The following TAOK3 variants were observed in gnomAD, a reference collection of about 807,000 sequenced individuals.
TAOK3 encodes the protein serine/threonine-protein kinase TAO3.
A neutral mutation model predicts 120.4 loss-of-function variants in TAOK3; 40 were observed. That is an observed-to-expected ratio of 0.33 (90% confidence interval 0.26 to 0.43). The LOEUF is 0.43. Among genes scored for constraint, TAOK3 ranks in the 20% least tolerant of loss-of-function variants. The pLI is 1.00. For synonymous variants in TAOK3, 355 were observed against 387.5 expected (o/e 0.92, Z 0.99); for missense variants, 821 against 1,112.1 (o/e 0.74, Z 3.72).
At chr12:118,318,196 T>C (rs1250997791) in intron 1 of TAOK3, among the ~76,000 whole-genome samples, 1 of 151,056 alleles carries the variant, frequency 6.6e-6, no homozygotes, top group Non-Finnish European at 1.5e-5. Flanking sequence ...TCTTGCTCTG[T>C]CACCAGGCTG....
Position 118,233,680 on chromosome 12 carries a change from C to G in TAOK3, c.637G>C (p.Glu213Gln). The change falls in exon 9 of 21, where the codon GAA becomes CAA. Residue 213 changes from glutamate to glutamine, a missense_variant. Coordinates refer to ENST00000392533, the MANE Select transcript of TAOK3 (RefSeq NM_016281.4). ...DIWSLGITCI[E>Q]LAERKPPLFN... is the part of the protein sequence containing the mutation. ...CAAATAACTCTTTACTCACCCAATT[C>G]AATACAAGTGATGCCAAGTGACCAA... The G allele has an allele frequency of 6.2e-7, 1 of 1,605,530 alleles. No individual in the cohort carries two copies. Among genetic ancestry groups the G allele is most frequent in the Non-Finnish European group, 8.5e-7 (1 of 1,173,952 alleles).
chr12:118,163,179 C>T (rs1435442909), intron 17 of TAOK3, among the ~76,000 whole-genome samples: 1 of 152,164 alleles, frequency 6.6e-6, no homozygotes, highest in Admixed American at 6.5e-5. Flanking sequence ...TAGTCATCTG[C>T]TGCTATGAGG....
intron 13 of TAOK3, among the ~76,000 whole-genome samples, chr12:118,193,918 T>TA (rs1299504463): frequency 3.9e-5 from 6 of 152,234 alleles, no homozygotes; most frequent in Non-Finnish European, 8.8e-5. Flanking sequence ...TGAAAAATCT[T>TA]AGTCTCCCTA....
At chr12:118,152,613 T>A (rs2034530898) in intron 19 of TAOK3, 2 of 533,560 alleles carry the variant, frequency 3.7e-6, no homozygotes, top group Admixed American at 6.3e-5. Flanking sequence ...CCAAACACAT[T>A]CTTTTCAGTA....
At chr12:118,159,312 CT>C (rs35332392) in intron 19 of TAOK3, among the ~76,000 whole-genome samples, 73,365 of 131,896 alleles carry the variant, frequency 0.56, 19,322 homozygotes, top group Non-Finnish European at 0.61. Context: ...AAATCACTCA[CT>C]TTTTTTTTTT....
intron 5 of TAOK3, among the ~76,000 whole-genome samples, chr12:118,241,051 A>G (rs1182320418): frequency 1.3e-5 from 2 of 149,510 alleles, no homozygotes; most frequent in East Asian, 3.9e-4. Context: ...ATGCAATTAA[A>G]TTAGATATAA....
At chr12:118,191,148 T>C (rs1379259001) in intron 13 of TAOK3, among the ~76,000 whole-genome samples, 1 of 152,192 alleles carries the variant, frequency 6.6e-6, no homozygotes, top group Non-Finnish European at 1.5e-5. Flanking sequence ...AATTTTATTA[T>C]AGTCCAAAAT....
intron 14 of TAOK3, among the ~76,000 whole-genome samples, chr12:118,182,342 T>C (rs1349547897): frequency 2.0e-5 from 3 of 152,010 alleles, no homozygotes; most frequent in Admixed American, 6.5e-5. Context: ...AGCCATGTTA[T>C]TTCTACTGCA....
chr12:118,213,455 C>T (rs887065387), intron 10 of TAOK3, among the ~76,000 whole-genome samples: 1 of 152,100 alleles, frequency 6.6e-6, no homozygotes, highest in African/African-American at 2.4e-5. Flanking sequence ...AAAATTCTTC[C>T]TATCTTAAAA....
Position 118,161,390 on chromosome 12 carries a change from C to A in TAOK3, c.2139+398G>T, listed in dbSNP as rs1270535734. ...CACTAATAAATGACACTCTTTCCTC[C>A]TAAGCTTGGATGTGGCTTTAGAGTC... On this transcript the variant is annotated intron_variant, in intron 18 of 20. Coordinates refer to ENST00000392533, the MANE Select transcript of TAOK3 (RefSeq NM_016281.4). This position sits in a 1 kb window ranked among gnomAD's most constrained non-coding sequence, Gnocchi z 4.5. Among the ~76,000 whole-genome samples, 1 of 152,148 alleles carries A rather than the reference C, an allele frequency of 6.6e-6. No individual in the cohort carries two copies. Among genetic ancestry groups the A allele is most frequent in the African/African-American group, 2.4e-5 (1 of 41,434 alleles).
intron 2 of TAOK3, among the ~76,000 whole-genome samples, chr12:118,260,190 A>G (rs560447972): frequency 6.6e-6 from 1 of 152,180 alleles, no homozygotes; most frequent in East Asian, 1.9e-4. Flanking sequence ...GTGCAAGGGT[A>G]CAATCATGGC....
chr12:118,245,836 G>C (rs2040467462), intron 3 of TAOK3, among the ~76,000 whole-genome samples: 1 of 152,030 alleles, frequency 6.6e-6, no homozygotes. Flanking sequence ...ACCCATTCTG[G>C]CTTCACCTTG....
chr12:118,322,534 T>C (rs1026134646), intron 1 of TAOK3, among the ~76,000 whole-genome samples: 4 of 151,962 alleles, frequency 2.6e-5, no homozygotes, highest in African/African-American at 9.7e-5. Flanking sequence ...ACATGGTCTC[T>C]GATATAACTA....
chr12:118,313,904 C>T (rs2043352412), intron 1 of TAOK3, among the ~76,000 whole-genome samples: 1 of 152,134 alleles, frequency 6.6e-6, no homozygotes, highest in South Asian at 2.1e-4. Context: ...CTCTTTTGCA[C>T]AGTATAGTAT....
At chr12:118,267,645 G>C (rs2041510733) in intron 1 of TAOK3, among the ~76,000 whole-genome samples, 1 of 151,262 alleles carries the variant, frequency 6.6e-6, no homozygotes, top group Non-Finnish European at 1.5e-5. Flanking sequence ...CCGGCACTTT[G>C]GGAGGCCAAG....
At chr12:118,226,185 C>T (rs981305364) in intron 9 of TAOK3, among the ~76,000 whole-genome samples, 13 of 152,230 alleles carry the variant, frequency 8.5e-5, no homozygotes, top group African/African-American at 2.9e-4. Context: ...ACCATCCTGG[C>T]TAACATGGTG....
At chr12:118,176,224 G>C (rs897138326) in intron 16 of TAOK3, among the ~76,000 whole-genome samples, 1 of 152,160 alleles carries the variant, frequency 6.6e-6, no homozygotes, top group Non-Finnish European at 1.5e-5. Context: ...TGGGGGTAGG[G>C]AGAACATCTT....
At chr12:118,264,821 G>A (rs1466453956) in intron 2 of TAOK3, among the ~76,000 whole-genome samples, 6 of 152,090 alleles carry the variant, frequency 3.9e-5, no homozygotes, top group Non-Finnish European at 8.8e-5. Context: ...ATCATTTGAG[G>A]TCAGGAGTTC....
intron 13 of TAOK3, among the ~76,000 whole-genome samples, chr12:118,196,055 A>AAATG (rs1265214008): frequency 5.0e-4 from 51 of 101,314 alleles, no homozygotes; most frequent in Middle Eastern, 5.1e-3. Flanking sequence ...ATCTCAAAAT[A>AAATG]AATAAATAAA....
Sources: gnomAD v4.1 joint callset for allele counts (sites outside exome capture counted in the v4.1 genomes callset) on GRCh38, gnomAD v4.1.1 for gene constraint, Gnocchi (gnomAD v3.1) non-coding constraint, MANE v1.5 for transcripts, NCBI Gene and HGNC (gene_info 2026-07-23, HGNC 2026-07-21) for gene names.